Variants in GPATCH2 observed in about 807,000 individuals in gnomAD.
The protein encoded by GPATCH2 is G-patch domain containing 2.
A neutral mutation model predicts 58.0 loss-of-function variants in GPATCH2; 51 were observed. That is an observed-to-expected ratio of 0.88 (90% CI 0.70 to 1.11). GPATCH2 has a LOEUF of 1.11. Among genes scored for constraint, GPATCH2 ranks in the 50% most tolerant of loss-of-function variants. GPATCH2 has a pLI of 0.00. For synonymous variants in GPATCH2, 222 were observed against 218.5 expected (o/e 1.02, Z -0.14); for missense variants, 625 against 652.2 (o/e 0.96, Z 0.45).
chr1:217,430,566 G>C lies in GPATCH2; in HGVS notation c.*579C>G, dbSNP rs1658486172. The C allele has an allele frequency of 6.6e-6, 1 of 152,376 alleles. No individual in the cohort carries two copies. Among genetic ancestry groups the C allele is most frequent in the South Asian group, 2.1e-4 (1 of 4,836 alleles). 9.4% of individuals were successfully genotyped at this position (152,376 alleles called of 1,614,324 possible). A position where few individuals can be genotyped will look rare whatever the true frequency, so the allele number is the denominator to read the frequency against. On this transcript the variant is annotated 3_prime_UTR_variant, in exon 10 of 10. Transcript: ENST00000366935. ...ACATTAATTGTTGTTTGTCAACTGT[G>C]AACTTCACACTACATTGTCTAAGGA...
chr1:217,441,292 T>C (rs1012993399), intron 9 of GPATCH2, among the ~76,000 whole-genome samples: 1 of 152,212 alleles, frequency 6.6e-6, no homozygotes, highest in African/African-American at 2.4e-5. Context: ...TTGGGAAAAC[T>C]GGCTAGCCAT....
intron 6 of GPATCH2, among the ~76,000 whole-genome samples, chr1:217,500,332 C>A (rs1662235914): frequency 6.6e-6 from 1 of 151,956 alleles, no homozygotes; most frequent in Non-Finnish European, 1.5e-5. Context: ...AGCCCTCTGT[C>A]TACTTGGTCT....
chr1:217,629,612 G>C (rs777815250), intron 1 of GPATCH2, among the ~76,000 whole-genome samples: 5 of 152,126 alleles, frequency 3.3e-5, no homozygotes. Context: ...CCTTGAGAGG[G>C]AACTGTGGGG....
rs116766446 is a variant in GPATCH2, at chr1:217,562,305, C to T, written c.1099-47416G>A. On this transcript the variant is annotated intron_variant, in intron 5 of 9. Coordinates refer to ENST00000366935, the MANE Select transcript of GPATCH2 (RefSeq NM_018040.5). Reference sequence around the variant, plus strand: ...AGAGCATATTATTTTGTAACTTTTTCGGCAGGAAAATTTTCCTAATAAAAA... The same window carrying T: ...AGAGCATATTATTTTGTAACTTTTTTGGCAGGAAAATTTTCCTAATAAAAA... Among the ~76,000 whole-genome samples the T allele has an allele frequency of 1.4e-3, 220 of 152,156 alleles. 1 individual carries two copies. The highest frequency in any genetic ancestry group is 4.9e-3 in the African/African-American group (205 of 41,508).
At chr1:217,495,551 G>T (rs1661964507) in intron 7 of GPATCH2, among the ~76,000 whole-genome samples, 1 of 152,184 alleles carries the variant, frequency 6.6e-6, no homozygotes, top group Non-Finnish European at 1.5e-5. Context: ...AGGAAGAAAA[G>T]CTTCAGAATT....
intron 5 of GPATCH2, among the ~76,000 whole-genome samples, chr1:217,550,731 T>C (rs1571903379): frequency 2.0e-5 from 3 of 152,044 alleles, no homozygotes; most frequent in East Asian, 3.9e-4. Context: ...TTTAAACACA[T>C]GATTTTAAAA....
At chr1:217,518,158 T>TCA (rs1663265934) in intron 5 of GPATCH2, among the ~76,000 whole-genome samples, 2 of 152,196 alleles carry the variant, frequency 1.3e-5, no homozygotes, top group African/African-American at 4.8e-5. Context: ...AAGGAATTGA[T>TCA]GCTTTCTAGA....
chr1:217,574,491 T>A (rs963395483), intron 5 of GPATCH2, among the ~76,000 whole-genome samples: 1 of 152,118 alleles, frequency 6.6e-6, no homozygotes, highest in Non-Finnish European at 1.5e-5. Context: ...TGGGTTCAGT[T>A]ACGGGGTGGT....
intron 5 of GPATCH2, among the ~76,000 whole-genome samples, chr1:217,563,221 G>T (rs1444678772): frequency 6.6e-6 from 1 of 152,024 alleles, no homozygotes; most frequent in East Asian, 1.9e-4. Flanking sequence ...TTATCTTGTA[G>T]TTATACAGCC....
intron 6 of GPATCH2, among the ~76,000 whole-genome samples, chr1:217,503,341 T>G (rs1191372804): frequency 3.3e-5 from 5 of 152,096 alleles, no homozygotes; most frequent in Non-Finnish European, 5.9e-5. Context: ...CAGAAGGGAC[T>G]ATACTGTAAT....
intron 9 of GPATCH2, among the ~76,000 whole-genome samples, chr1:217,433,258 C>T: frequency 6.6e-6 from 1 of 151,536 alleles, no homozygotes; most frequent in Non-Finnish European, 1.5e-5. Flanking sequence ...ATAAGAATAA[C>T]AAAAATATTA....
chr1:217,474,018 A>G (rs1660855279), intron 8 of GPATCH2, among the ~76,000 whole-genome samples: 1 of 152,318 alleles, frequency 6.6e-6, no homozygotes, highest in African/African-American at 2.4e-5. Flanking sequence ...TATGCATCCT[A>G]TGTGAGAAGA....
intron 3 of GPATCH2, among the ~76,000 whole-genome samples, chr1:217,613,503 G>A (rs1172452223): frequency 6.6e-6 from 1 of 152,074 alleles, no homozygotes; most frequent in South Asian, 2.1e-4. Context: ...AAACAATCAT[G>A]AGCAGGTGTG....
chr1:217,601,160 T>C (rs1384065343), intron 5 of GPATCH2, among the ~76,000 whole-genome samples: 2 of 152,150 alleles, frequency 1.3e-5, no homozygotes, highest in South Asian at 4.1e-4. Flanking sequence ...GTAACCTCTG[T>C]AGCGAAGTTC....
rs1013871211 is a variant in GPATCH2 at position 217,430,409 on chromosome 1, T to C, written c.*736A>G. The C allele has an allele frequency of 6.6e-6, 1 of 152,162 alleles. No individual in the cohort carries two copies. The highest frequency in any genetic ancestry group is 1.5e-5 in the Non-Finnish European group (1 of 68,024). 9.4% of individuals were successfully genotyped at this position (152,162 alleles called of 1,614,324 possible). A position where few individuals can be genotyped will look rare whatever the true frequency, so the allele number is the denominator to read the frequency against. On this transcript the variant is annotated 3_prime_UTR_variant, in exon 10 of 10. Transcript: ENST00000366935. ...GTTCAATCACGGTGAATTTAAAAAA[T>C]ACATTTTTCTTTCAATAATTATTTT...
At chr1:217,606,292 T>C (rs1668358060) in intron 5 of GPATCH2, among the ~76,000 whole-genome samples, 1 of 151,626 alleles carries the variant, frequency 6.6e-6, no homozygotes, top group Non-Finnish European at 1.5e-5. Context: ...AGTTTGCAAT[T>C]AAGTTTTGAG....
chr1:217,581,670 A>T (rs1667091480), intron 5 of GPATCH2, among the ~76,000 whole-genome samples: 1 of 152,206 alleles, frequency 6.6e-6, no homozygotes, highest in East Asian at 1.9e-4. Context: ...TTAGAAGTTT[A>T]GGCCAGGTGC....
intron 6 of GPATCH2, among the ~76,000 whole-genome samples, chr1:217,510,722 T>C (rs983724527): frequency 2.6e-5 from 4 of 152,144 alleles, no homozygotes; most frequent in East Asian, 1.9e-4. Flanking sequence ...TTAAACACTT[T>C]CGGAGTTTTG....
intron 6 of GPATCH2, among the ~76,000 whole-genome samples, chr1:217,509,094 C>T (rs2102568894): frequency 6.6e-6 from 1 of 152,234 alleles, no homozygotes; most frequent in South Asian, 2.1e-4. Context: ...AATCCCAGCA[C>T]TTTGGGATGA....
Sources: allele counts gnomAD v4.1 joint callset (sites outside exome capture counted in the v4.1 genomes callset), GRCh38; gene constraint gnomAD v4.1.1; transcripts MANE v1.5; gene names NCBI Gene and HGNC (gene_info 2026-07-23, HGNC 2026-07-21).